The following DSP variants were observed in gnomAD, a reference collection of about 807,000 sequenced individuals.
DSP encodes the protein desmoplakin.
Under a neutral mutation model 290.6 loss-of-function variants are expected in DSP, and 114 were observed. The ratio of observed to expected loss-of-function variants is 0.39; its 90% CI spans 0.34 to 0.46. The LOEUF is 0.46. DSP is among the 20% of genes least tolerant of loss of function. DSP has a pLI of 0.99. For synonymous variants in DSP, 1,311 were observed against 1,316.4 expected (o/e 1.00, Z 0.09); for missense variants, 3,230 against 3,495.8 (o/e 0.92, Z 1.92).
intron 20 of DSP, 101 bp downstream of exon 20, chr6:7,577,143 C>A: frequency 3.5e-6 from 3 of 861,604 alleles, no homozygotes; most frequent in Non-Finnish European, 5.4e-6. Flanking sequence ...CTGAGGATAG[C>A]AATTACGGTC....
Position 7,584,418 on chromosome 6 carries a change from T to C in DSP, c.7156T>C (p.Leu2386=). ...CATTGACCCAAAGGAGAGCCATCGT[T>C]TACCAGTTGACATAGCATATAAGAG... ...GIIDPKESHR[L]PVDIAYKRGY... is the part of the protein sequence containing the mutation. The change falls in exon 24 of 24, where the codon TTA becomes CTA. Residue 2386 remains leucine, a synonymous_variant. Coordinates refer to ENST00000379802, the MANE Select transcript of DSP (RefSeq NM_004415.4). This position sits in a 1 kb window ranked among gnomAD's most constrained non-coding sequence, Gnocchi z 6.4. The C allele has an allele frequency of 6.2e-7, 1 of 1,614,162 alleles. No homozygotes were observed. The highest frequency in any genetic ancestry group is 2.2e-5 in the East Asian group (1 of 44,880).
At chr6:7,545,162 C>T (rs574875584) in intron 1 of DSP, among the ~76,000 whole-genome samples, 10 of 152,158 alleles carry the variant, frequency 6.6e-5, no homozygotes, top group Non-Finnish European at 1.5e-4. Flanking sequence ...AATATTAATG[C>T]TTATTTTTCT....
rs28763963 is a variant in DSP at position 7,574,202 on chromosome 6, A to G, written c.2247A>G (p.Leu749=). The G allele has an allele frequency of 2.9e-4, 467 of 1,614,088 alleles. 8 individuals carry two copies. The East Asian group carries it at 0.01, about 36-fold the overall frequency. ...ATTTACAGAATGAAGTATTTGGACT[A>G]TTTCAGAAACTGGAAAATATCAATG... ...YCYLQNEVFG[L]FQKLENINGV... The change falls in exon 16 of 24, where the codon CTA becomes CTG. Residue 749 remains leucine (L), a synonymous_variant. Transcript: ENST00000379802.
intron 15 of DSP, among the ~76,000 whole-genome samples, chr6:7,573,331 C>T (rs1438934459): frequency 6.6e-6 from 1 of 152,144 alleles, no homozygotes; most frequent in Non-Finnish European, 1.5e-5. Flanking sequence ...GTAATCCCAG[C>T]ACTTTGGGAG....
In DSP at chr6:7,585,743, CGGCTCCCGCTCGGGATCT is replaced by C. The variant is rs1759645954; in HGVS notation, c.8482_8499del (p.Gly2828_Ser2833del). On this transcript the variant is annotated inframe_deletion, in exon 24 of 24. Transcript: ENST00000379802. ...TGTCTTCGGCTCCGGGGTCCCGCTCCGGCTCCCGCTCGGGATCTCGCTCCGGATCTCGCTCCGGGTCCC... is the reference window on the plus strand; with the variant it reads ...TGTCTTCGGCTCCGGGGTCCCGCTCCCGCTCCGGATCTCGCTCCGGGTCCC... 2 of 1,609,662 alleles carry C rather than the reference CGGCTCCCGCTCGGGATCT, an allele frequency of 1.2e-6. No individual in the cohort carries two copies. The highest frequency in any genetic ancestry group is 8.5e-7 in the Non-Finnish European group (1 of 1,177,546).
At chr6:7,559,542 A>G in intron 4 of DSP, 142 bp downstream of exon 4, 7 of 1,031,760 alleles carry the variant, frequency 6.8e-6, no homozygotes, top group South Asian at 2.7e-5. Context: ...TTTTCCTCCT[A>G]TACAATTTGA....
rs1759609710 is a variant in DSP, at chr6:7,585,223, AG to A, written c.7963del (p.Ala2655ProfsTer25). 1 of 1,614,086 alleles carries A rather than the reference AG, an allele frequency of 6.2e-7. No individual in the cohort carries two copies. Among genetic ancestry groups the A allele is most frequent in the Non-Finnish European group, 8.5e-7 (1 of 1,180,054 alleles). Reference sequence around the variant, plus strand: ...ACGGGTCAGAGGCTTCTGGAGGCTCAGGCCTGCACAGGTGGCATCATCCACC... The same window carrying A: ...ACGGGTCAGAGGCTTCTGGAGGCTCAGCCTGCACAGGTGGCATCATCCACC... ...SITGQRLLEA[Q>X]ACTGGIIHPT... On this transcript the variant is annotated frameshift_variant, in exon 24 of 24. Coordinates refer to ENST00000379802, the MANE Select transcript of DSP (RefSeq NM_004415.4). LOFTEE classifies it high-confidence loss of function.
chr6:7,573,953 T>G, intron 15 of DSP, 133 bp from the exon 16 acceptor site: 1 of 964,148 alleles, frequency 1.0e-6, no homozygotes, highest in African/African-American at 1.6e-5. Context: ...TTGACTGATG[T>G]GTTAATTTAC....
Position 7,585,769 on chromosome 6 carries a change from G to C in DSP, c.8507G>C (p.Gly2836Ala), listed in dbSNP as rs764232504. Residue 2836 changes from glycine (G) to alanine (A), a missense_variant, in exon 24 of 24, where the codon GGA (glycine) becomes GCA (alanine). Physicochemically the swap from Gly to Ala is moderately conservative, Grantham distance 60. Around this residue, in one of 5 missense-constraint regions of DSP, gnomAD observed 582 missense variants for 555.4 expected, o/e 1.05. Coordinates refer to ENST00000379802, the MANE Select transcript of DSP (RefSeq NM_004415.4). ...GGCTCCCGCTCGGGATCTCGCTCCG[G>C]ATCTCGCTCCGGGTCCCGCAGTGGG... is the stretch of plus-strand genomic sequence containing the variant. ...RSGSRSGSRS[G>A]SRSGSRSGSR... 1.2e-6 allele frequency: 2 copies of C among 1,609,648 alleles called. No individual in the cohort carries two copies. The highest frequency in any genetic ancestry group is 1.7e-6 in the Non-Finnish European group (2 of 1,177,982).
Position 7,584,675 on chromosome 6 carries a change from A to G in DSP, c.7413A>G (p.Pro2471=), listed in dbSNP as rs772161814. ...LRKRRVVIVD[P]ETNKEMSVQE... is the part of the protein sequence containing the mutation. The stretch of plus-strand genomic sequence containing the variant: ...AGCGTAGAGTGGTCATAGTTGACCC[A>G]GAAACCAATAAAGAAATGTCTGTTC... Residue 2471 remains proline (P), a synonymous_variant, in exon 24 of 24, where the codon CCA becomes CCG. Coordinates refer to ENST00000379802, the MANE Select transcript of DSP (RefSeq NM_004415.4). The surrounding 1 kb of genome is among the most constrained non-coding windows in gnomAD (Gnocchi z 6.4). 2 of 1,614,080 alleles carry G rather than the reference A, an allele frequency of 1.2e-6. No homozygotes were observed. Among genetic ancestry groups the G allele is most frequent in the Non-Finnish European group, 1.7e-6 (2 of 1,180,042 alleles).
Position 7,579,808 on chromosome 6 carries a change from A to T in DSP, c.3618A>T (p.Leu1206Phe). Residue 1206 changes from leucine to phenylalanine, a missense_variant, in exon 23 of 24, where the codon TTA (leucine) becomes TTT (phenylalanine). Leu to Phe is a conservative substitution (Grantham distance 22). Coordinates refer to ENST00000379802, the MANE Select transcript of DSP (RefSeq NM_004415.4). The surrounding 1 kb of genome is among the most constrained non-coding windows in gnomAD (Gnocchi z 4.1). ...ACTATAATGAGGAGATGAGTAATTT[A>T]AGGAACAAGTATGAAACAGAGATTA... ...RNHYNEEMSNLRNKYETEINI... is the reference protein window; with the variant it reads ...RNHYNEEMSNFRNKYETEINI... The T allele has an allele frequency of 6.2e-7, 1 of 1,614,126 alleles. No homozygotes were observed. Among genetic ancestry groups the T allele is most frequent in the African/African-American group, 1.3e-5 (1 of 75,028 alleles).
chr6:7,547,597 TA>T (rs1443333812), intron 1 of DSP, among the ~76,000 whole-genome samples: 8 of 135,692 alleles, frequency 5.9e-5, no homozygotes, highest in South Asian at 2.3e-4. Context: ...CACAACTAAT[TA>T]AAATTTTTTT....
At chr6:7,545,332 C>T (rs1758142349) in intron 1 of DSP, among the ~76,000 whole-genome samples, 1 of 152,212 alleles carries the variant, frequency 6.6e-6, no homozygotes, top group Admixed American at 6.5e-5. Context: ...CTAAGGATCA[C>T]TTAGCCTAGG....
chr6:7,580,630 C>T lies in DSP; in HGVS notation c.4440C>T (p.Asn1480=). The change falls in exon 23 of 24, where the codon AAC becomes AAT. Residue 1480 remains asparagine (N), a synonymous_variant. Coordinates refer to ENST00000379802, the MANE Select transcript of DSP (RefSeq NM_004415.4). This position sits in a 1 kb window ranked among gnomAD's most constrained non-coding sequence, Gnocchi z 4.2. ...CTGCCAAAACCATCCAGGATAAAAA[C>T]AAGGAGATAGAAAGGTTAAAACAAC... The part of the protein sequence containing the change: ...DDAAKTIQDK[N]KEIERLKQLI... The T allele has an allele frequency of 1.2e-6, 2 of 1,614,046 alleles. No individual in the cohort carries two copies. Among genetic ancestry groups the T allele is most frequent in the East Asian group, 4.5e-5 (2 of 44,878 alleles).
At chr6:7,555,918 C>G (rs998459691) in intron 2 of DSP, 98 bp downstream of exon 2, 5 of 1,021,886 alleles carry the variant, frequency 4.9e-6, no homozygotes, top group Non-Finnish European at 7.5e-6. Flanking sequence ...TCACTGACCT[C>G]TTTCACGTAG....
At chr6:7,557,413 C>T (rs796520079) in intron 2 of DSP, among the ~76,000 whole-genome samples, 11 of 152,346 alleles carry the variant, frequency 7.2e-5, no homozygotes, top group African/African-American at 2.6e-4. Flanking sequence ...GGCGTGGTGG[C>T]TCACGCTTGT....
Position 7,576,977 on chromosome 6 carries a change from T to C in DSP, c.2812T>C (p.Ser938Pro), listed in dbSNP as rs1013954697. The C allele has an allele frequency of 6.2e-7, 1 of 1,613,538 alleles. No individual in the cohort carries two copies. The highest frequency in any genetic ancestry group is 8.5e-7 in the Non-Finnish European group (1 of 1,179,682). The change falls in exon 20 of 24, where the codon TCT (serine) becomes CCT (proline). Residue 938 changes from serine to proline, a missense_variant. Coordinates refer to ENST00000379802, the MANE Select transcript of DSP (RefSeq NM_004415.4). Reference protein sequence around the residue: ...NEQKNLHSEISGKRDKSEEVQ... With the variant: ...NEQKNLHSEIPGKRDKSEEVQ... ...TGTATAGAACTTGCACAGTGAAATA[T>C]CTGGCAAACGAGACAAATCAGAGGA... is the stretch of plus-strand genomic sequence containing the variant.
chr6:7,569,368 G>C, intron 12 of DSP, 28 bp downstream of exon 12: 1 of 1,614,120 alleles, frequency 6.2e-7, no homozygotes. Context: ...CCAAAGCCAC[G>C]CATGCACGCA....
In DSP at chr6:7,559,271, C is replaced by T. The variant is rs1302759290; in HGVS notation, c.468C>T (p.Ile156=). 1 of 1,613,898 alleles carries T rather than the reference C, an allele frequency of 6.2e-7. No individual in the cohort carries two copies. The highest frequency in any genetic ancestry group is 8.5e-7 in the Non-Finnish European group (1 of 1,180,036). ...QEQMRALYKA[I]SVPRVRRASS... is the part of the protein sequence containing the mutation. ...AAATGCGAGCCCTTTATAAAGCCAT[C>T]AGTGTCCCTCGAGTCCGCAGGGCCA... Residue 156 remains isoleucine, a synonymous_variant, in exon 4 of 24, where the codon ATC becomes ATT. Transcript: ENST00000379802.
Sources: gnomAD v4.1 joint callset for allele counts (sites outside exome capture counted in the v4.1 genomes callset) on GRCh38, gnomAD v4.1.1 for gene constraint, gnomAD v4.1.1 regional missense constraint, Gnocchi (gnomAD v3.1) non-coding constraint, MANE v1.5 for transcripts, NCBI Gene and HGNC (gene_info 2026-07-23, HGNC 2026-07-21) for gene names.